Variants in CEP112 observed in about 807,000 individuals in gnomAD.
The protein encoded by CEP112 is centrosomal protein of 112 kDa.
CEP112 carries 127 observed loss-of-function variants against 153.0 expected under a neutral mutation model. The ratio of observed to expected loss-of-function variants is 0.83; its 90% CI spans 0.72 to 0.96. The LOEUF is 0.96. CEP112 is among the 40% of genes least tolerant of loss of function. The pLI is 0.00. For missense variants in CEP112, 1,089 were observed against 1,101.2 expected (o/e 0.99, Z 0.16); for synonymous variants, 358 against 374.4 (o/e 0.96, Z 0.51).
chr17:66,010,042 T>C (rs1199977800), intron 16 of CEP112, among the ~76,000 whole-genome samples: 1 of 152,180 alleles, frequency 6.6e-6, no homozygotes, highest in Non-Finnish European at 1.5e-5. Flanking sequence ...ATTTGTAAAT[T>C]TTTTAGGGGA....
intron 25 of CEP112, among the ~76,000 whole-genome samples, chr17:65,637,637 T>C (rs1411095545): frequency 6.6e-6 from 1 of 152,236 alleles, no homozygotes; most frequent in Non-Finnish European, 1.5e-5. Flanking sequence ...GCTCCTTGCC[T>C]CCTAGCCCCA....
intron 21 of CEP112, among the ~76,000 whole-genome samples, chr17:65,787,131 T>C (rs892912824): frequency 6.6e-6 from 1 of 152,236 alleles, no homozygotes; most frequent in South Asian, 2.1e-4. Flanking sequence ...TGATTTTGTA[T>C]GTGGTAGGAG....
chr17:65,834,150 G>A (rs1233898355), intron 21 of CEP112, among the ~76,000 whole-genome samples: 1 of 152,154 alleles, frequency 6.6e-6, no homozygotes, highest in African/African-American at 2.4e-5. Flanking sequence ...CTAGCCGTAT[G>A]CATAAGACTG....
intron 24 of CEP112, among the ~76,000 whole-genome samples, chr17:65,651,047 G>A (rs74848562): frequency 0.14 from 21,543 of 152,036 alleles, 1,875 homozygotes; most frequent in East Asian, 0.46. Context: ...CCTGAGCAGT[G>A]TACACTGAAC....
intron 21 of CEP112, among the ~76,000 whole-genome samples, chr17:65,807,853 T>C (rs747176334): frequency 2.6e-5 from 4 of 152,204 alleles, no homozygotes; most frequent in Non-Finnish European, 5.9e-5. Context: ...AGTAAAGCAG[T>C]GCAGAGGGGA....
In CEP112 at chr17:66,129,821, T is replaced by A; in HGVS notation, c.567A>T (p.Glu189Asp). Residue 189 changes from glutamate (E) to aspartate (D), a missense_variant and splice_region_variant, in exon 6 of 27, where the codon GAA becomes GAT. Transcript: ENST00000535342. ...AAACAGGAGATTTTTTCGAATAAAC[T>A]TCCTGAAATACAAAAGGGAAAAAGG... Reference protein sequence around the residue: ...DGQNITPKICEVYSKKSPVSL... With the variant: ...DGQNITPKICDVYSKKSPVSL... 1 of 1,600,260 alleles carries A rather than the reference T, an allele frequency of 6.2e-7. No homozygotes were observed. The highest frequency in any genetic ancestry group is 1.1e-5 in the South Asian group (1 of 90,348).
chr17:65,749,740 A>T (rs1350177994), intron 22 of CEP112, among the ~76,000 whole-genome samples: 3 of 70,660 alleles, frequency 4.2e-5, no homozygotes, highest in African/African-American at 1.2e-4. Flanking sequence ...GAATGAGTCA[A>T]CATGGTTAGT....
At chr17:65,938,818 A>AT (rs34961627) in intron 18 of CEP112, among the ~76,000 whole-genome samples, 107 of 149,456 alleles carry the variant, frequency 7.2e-4, no homozygotes, top group Middle Eastern at 6.9e-3. Flanking sequence ...TTCAAAAAAG[A>AT]TTTTTTTTTT....
chr17:65,833,893 A>G (rs951495815), intron 21 of CEP112, among the ~76,000 whole-genome samples: 1 of 152,188 alleles, frequency 6.6e-6, no homozygotes, highest in Non-Finnish European at 1.5e-5. Flanking sequence ...GAATACCCCA[A>G]GCAATCCAAA....
At chr17:65,985,238 C>T (rs193227084) in intron 17 of CEP112, among the ~76,000 whole-genome samples, 6 of 152,106 alleles carry the variant, frequency 3.9e-5, no homozygotes, top group East Asian at 1.9e-4. Flanking sequence ...ACCAAGAGGG[C>T]CCTGAATTAG....
intron 4 of CEP112, among the ~76,000 whole-genome samples, chr17:66,171,502 G>A (rs1173916520): frequency 6.6e-6 from 1 of 152,066 alleles, no homozygotes; most frequent in Non-Finnish European, 1.5e-5. Context: ...GATATATTAA[G>A]TCAAGATTAG....
intron 21 of CEP112, among the ~76,000 whole-genome samples, chr17:65,756,350 G>A (rs1382338010): frequency 6.9e-5 from 10 of 144,626 alleles, no homozygotes; most frequent in Non-Finnish European, 1.2e-4. Context: ...AGGTTGCAGC[G>A]AGCTGAGATC....
At chr17:65,944,246 G>C (rs2061585113) in intron 18 of CEP112, among the ~76,000 whole-genome samples, 1 of 152,168 alleles carries the variant, frequency 6.6e-6, no homozygotes, top group Non-Finnish European at 1.5e-5. Flanking sequence ...GGGTTGAAAG[G>C]TGCAGTAAAC....
At chr17:65,816,438 C>CT (rs2056269951) in intron 21 of CEP112, among the ~76,000 whole-genome samples, 1 of 151,866 alleles carries the variant, frequency 6.6e-6, no homozygotes, top group Admixed American at 6.6e-5. Flanking sequence ...CCCCCACCCC[C>CT]TTCCCACCTT....
Position 65,783,654 on chromosome 17 carries a change from C to T in CEP112, c.2395-32930G>A, listed in dbSNP as rs1421034. Among the ~76,000 whole-genome samples, 994 of 152,282 alleles carry T rather than the reference C, an allele frequency of 6.5e-3. 11 individuals carry two copies. The highest frequency in any genetic ancestry group is 0.023 in the African/African-American group (956 of 41,548). On this transcript the variant is annotated intron_variant, in intron 21 of 26. Coordinates refer to ENST00000535342, the MANE Select transcript of CEP112 (RefSeq NM_001199165.4). ...CATCTACATCAAGGCTGAATTACTT[C>T]GCCACTTCATTTTAATATAATATTC...
chr17:65,972,821 A>G (rs1159061029), intron 17 of CEP112, among the ~76,000 whole-genome samples: 1 of 152,248 alleles, frequency 6.6e-6, no homozygotes, highest in Non-Finnish European at 1.5e-5. Context: ...GCTGGAGCAC[A>G]GTGGTGTGAT....
At chr17:65,702,032 C>T (rs1055154708) in intron 23 of CEP112, among the ~76,000 whole-genome samples, 1 of 151,876 alleles carries the variant, frequency 6.6e-6, no homozygotes, top group African/African-American at 2.4e-5. Context: ...CCCGCCATCA[C>T]ACCTGGCTAG....
chr17:65,674,051 A>G (rs953467231), intron 24 of CEP112, among the ~76,000 whole-genome samples: 1 of 152,052 alleles, frequency 6.6e-6, no homozygotes, highest in Non-Finnish European at 1.5e-5. Flanking sequence ...TAATTTTTAT[A>G]TTTTTAGTAG....
intron 4 of CEP112, among the ~76,000 whole-genome samples, chr17:66,144,309 T>C (rs1435374737): frequency 2.0e-5 from 3 of 152,222 alleles, no homozygotes; most frequent in Admixed American, 2.0e-4. Flanking sequence ...GTCTCATATG[T>C]ATGAAATTAA....
Sources: gnomAD v4.1 joint callset for allele counts (sites outside exome capture counted in the v4.1 genomes callset) on GRCh38, gnomAD v4.1.1 for gene constraint, MANE v1.5 for transcripts, NCBI Gene and HGNC (gene_info 2026-07-23, HGNC 2026-07-21) for gene names.